MTRF1: variants seen among roughly 807,000 people sequenced by gnomAD.
MTRF1 encodes peptide chain release factor 1, mitochondrial.
Under a neutral mutation model 62.9 loss-of-function variants are expected in MTRF1, and 51 were observed. That is an observed-to-expected ratio of 0.81 (90% CI 0.65 to 1.02). The LOEUF (loss-of-function observed/expected upper bound fraction) is 1.02, where lower values mean the gene tolerates loss of function less well. Among genes scored for constraint, MTRF1 ranks in the 50% least tolerant of loss-of-function variants. The pLI, the probability that MTRF1 is intolerant of heterozygous loss-of-function variation, is 0.00. For synonymous variants in MTRF1, 158 were observed against 181.9 expected (o/e 0.87, Z 1.06); for missense variants, 446 against 530.0 (o/e 0.84, Z 1.56).
the MTRF1 span, among the ~76,000 whole-genome samples, chr13:41,305,248 G>C: frequency 6.6e-6 from 1 of 152,088 alleles, no homozygotes. Flanking sequence ...TGTAGAGACG[G>C]GGTCTCACTA....
chr13:41,277,001 G>A, the MTRF1 span, among the ~76,000 whole-genome samples: 2 of 152,022 alleles, frequency 1.3e-5, no homozygotes, highest in African/African-American at 4.8e-5. Flanking sequence ...AGCACTTATT[G>A]CATAACCACC....
chr13:41,305,044 C>T, the MTRF1 span, among the ~76,000 whole-genome samples: 14 of 152,158 alleles, frequency 9.2e-5, no homozygotes, highest in African/African-American at 2.9e-4. Context: ...AATAGAGTTG[C>T]CACTTTCCTA....
rs779146673 is a variant in MTRF1 at position 41,260,826 on chromosome 13, G to C, written c.82C>G (p.His28Asp). Reference sequence around the variant, plus strand: ...TCAAGATGTATCTGTCTAAATTGATGAGAATGGAGCTGGATGTGACACTGG... The same window carrying C: ...TCAAGATGTATCTGTCTAAATTGATCAGAATGGAGCTGGATGTGACACTGG... Reference protein sequence around the residue: ...YLQCHIQLHSHQFRQIHLDTR... With the variant: ...YLQCHIQLHSDQFRQIHLDTR... Residue 28 changes from histidine (H) to aspartate (D), a missense_variant, in exon 2 of 10, where the codon CAT becomes GAT. His to Asp is a moderately conservative substitution (Grantham distance 81, BLOSUM62 -1). Coordinates refer to ENST00000379480, the MANE Select transcript of MTRF1 (RefSeq NM_004294.4). 4 of 1,614,132 alleles carry C rather than the reference G, an allele frequency of 2.5e-6. No homozygotes were observed. Among genetic ancestry groups the C allele is most frequent in the Non-Finnish European group, 3.4e-6 (4 of 1,179,998 alleles).
At chr13:41,309,636 G>C in the MTRF1 span, among the ~76,000 whole-genome samples, 7 of 152,024 alleles carry the variant, frequency 4.6e-5, no homozygotes, top group African/African-American at 1.7e-4. Context: ...GTGAAACGTA[G>C]GAGATTGAAA....
chr13:41,297,937 C>T, the MTRF1 span, among the ~76,000 whole-genome samples: 1 of 152,172 alleles, frequency 6.6e-6, no homozygotes, highest in South Asian at 2.1e-4. Context: ...ACAATATAAA[C>T]TGCAATTTAT....
At chr13:41,276,642 T>C in the MTRF1 span, among the ~76,000 whole-genome samples, 4 of 152,200 alleles carry the variant, frequency 2.6e-5, no homozygotes, top group African/African-American at 9.6e-5. Context: ...TCTCTTGCCT[T>C]TAGCTTTCAA....
At chr13:41,237,486 G>A (rs1241801098) in intron 6 of MTRF1, among the ~76,000 whole-genome samples, 1 of 151,910 alleles carries the variant, frequency 6.6e-6, no homozygotes, top group East Asian at 1.9e-4. Flanking sequence ...TCTGAGCATA[G>A]TGCTCACACT....
intron 8 of MTRF1, among the ~76,000 whole-genome samples, chr13:41,224,844 G>A (rs901120746): frequency 6.6e-6 from 1 of 152,126 alleles, no homozygotes; most frequent in East Asian, 1.9e-4. Context: ...CGTCTTTTTT[G>A]GCTTGTCAAT....
At chr13:41,297,268 C>T in the MTRF1 span, among the ~76,000 whole-genome samples, 1 of 152,198 alleles carries the variant, frequency 6.6e-6, no homozygotes, top group Non-Finnish European at 1.5e-5. Context: ...CAAAGACATT[C>T]CCCAAGGCTA....
chr13:41,222,354 C>T (rs1457341597), intron 9 of MTRF1, among the ~76,000 whole-genome samples: 1 of 152,122 alleles, frequency 6.6e-6, no homozygotes, highest in Non-Finnish European at 1.5e-5. Flanking sequence ...CGAGTCTTTT[C>T]CCCAACAGCC....
At chr13:41,220,533 T>G in intron 9 of MTRF1, 1 of 1,233,962 alleles carries the variant, frequency 8.1e-7, no homozygotes, top group Non-Finnish European at 1.1e-6. Flanking sequence ...AGTAAGAAAG[T>G]TACCTAACAG....
At chr13:41,279,295 T>C in the MTRF1 span, among the ~76,000 whole-genome samples, 3 of 152,206 alleles carry the variant, frequency 2.0e-5, no homozygotes, top group East Asian at 5.8e-4. Context: ...CAGCCAACTC[T>C]TAAGTCTTGG....
chr13:41,243,404 CAAA>C (rs371273057), intron 5 of MTRF1, among the ~76,000 whole-genome samples: 1 of 76,502 alleles, frequency 1.3e-5, no homozygotes, highest in Non-Finnish European at 2.4e-5. Context: ...GACCCTGTCT[CAAA>C]AAAAAAAAAA....
the MTRF1 span, among the ~76,000 whole-genome samples, chr13:41,280,611 T>C: frequency 6.6e-6 from 1 of 152,144 alleles, no homozygotes; most frequent in Non-Finnish European, 1.5e-5. Flanking sequence ...ATCTTACATG[T>C]ATTGATTGAT....
chr13:41,244,120 G>C (rs78596463), intron 5 of MTRF1, among the ~76,000 whole-genome samples: 14 of 152,266 alleles, frequency 9.2e-5, no homozygotes, highest in African/African-American at 3.4e-4. Flanking sequence ...CTCAGAAAGG[G>C]ATCATGGGAA....
the MTRF1 span, among the ~76,000 whole-genome samples, chr13:41,281,682 C>T: frequency 2.3e-3 from 356 of 152,266 alleles, no homozygotes; most frequent in African/African-American, 8.2e-3. Flanking sequence ...TCCCCATATC[C>T]GCCCATTCCA....
chr13:41,295,493 A>C, the MTRF1 span, among the ~76,000 whole-genome samples: 1 of 152,126 alleles, frequency 6.6e-6, no homozygotes, highest in East Asian at 1.9e-4. Context: ...GGTTAACTAA[A>C]TGGGCTTCTC....
chr13:41,269,533 C>A, the MTRF1 span, among the ~76,000 whole-genome samples: 2 of 139,346 alleles, frequency 1.4e-5, no homozygotes, highest in African/African-American at 5.3e-5. Context: ...TTTAAATAAG[C>A]TTTCAATTAG....
upstream of MTRF1, among the ~76,000 whole-genome samples, chr13:41,266,645 T>C (rs974402284): frequency 2.0e-5 from 3 of 151,912 alleles, no homozygotes; most frequent in African/African-American, 4.8e-5. Context: ...TGAGACTTTA[T>C]CTCTTAAGAA....
Sources: gnomAD v4.1 joint callset for allele counts (sites outside exome capture counted in the v4.1 genomes callset) on GRCh38, gnomAD v4.1.1 for gene constraint, MANE v1.5 for transcripts, NCBI Gene and HGNC (gene_info 2026-07-23, HGNC 2026-07-21) for gene names.